Variants in C3orf22 observed in about 807,000 individuals in gnomAD.
C3orf22 encodes the protein chromosome 3 open reading frame 22, also known as uncharacterized protein C3orf22.
A neutral mutation model predicts 10.8 loss-of-function variants in C3orf22; 7 were observed. That is an observed-to-expected ratio of 0.65 (90% CI 0.37 to 1.22). The LOEUF is 1.22. Among genes scored for constraint, C3orf22 ranks in the 50% most tolerant of loss-of-function variants. The pLI is 0.02. For synonymous variants in C3orf22, 79 were observed against 78.9 expected (o/e 1.00, Z 0.00); for missense variants, 173 against 177.0 (o/e 0.98, Z 0.13).
chr3:126,545,356 C>A (rs1384106424), downstream of C3orf22, among the ~76,000 whole-genome samples: 2 of 152,230 alleles, frequency 1.3e-5, no homozygotes, highest in East Asian at 3.8e-4. Context: ...GGGTTACAGA[C>A]TTCTTTAAAA....
chr3:126,536,921 A>C (rs897801789), intron 4 of C3orf22, among the ~76,000 whole-genome samples: 6 of 146,802 alleles, frequency 4.1e-5, no homozygotes, highest in African/African-American at 1.1e-4. Context: ...ACACACACAC[A>C]CACCCCACAC....
chr3:126,534,572 G>A (rs1276235820), intron 4 of C3orf22, among the ~76,000 whole-genome samples: 2 of 146,068 alleles, frequency 1.4e-5, no homozygotes, highest in African/African-American at 5.1e-5. Context: ...AGCCAGGAGA[G>A]AGACACACAC....
At chr3:126,535,341 G>A (rs1357169739) in intron 4 of C3orf22, among the ~76,000 whole-genome samples, 3 of 147,728 alleles carry the variant, frequency 2.0e-5, no homozygotes, top group African/African-American at 2.5e-5. Flanking sequence ...CAGCATCCCT[G>A]TCCTCAGCCG....
At chr3:126,532,387 G>T (rs553843312) in intron 4 of C3orf22, among the ~76,000 whole-genome samples, 3 of 152,172 alleles carry the variant, frequency 2.0e-5, no homozygotes, top group Non-Finnish European at 2.9e-5. Context: ...TCACTTAAGA[G>T]TTTCATAGTT....
downstream of C3orf22, chr3:126,549,677 C>A (rs1937135214): frequency 6.6e-7 from 1 of 1,525,668 alleles, no homozygotes; most frequent in South Asian, 1.2e-5. Flanking sequence ...GCAAAGTGAT[C>A]ATTCCAGCTG....
intron 4 of C3orf22, chr3:126,542,663 C>A: frequency 1.4e-6 from 2 of 1,384,356 alleles, no homozygotes; most frequent in Non-Finnish European, 1.9e-6. Flanking sequence ...GGCCCCAGGA[C>A]CCCTCTTCAA....
downstream of C3orf22, among the ~76,000 whole-genome samples, chr3:126,549,262 C>G (rs3732535): frequency 2.7e-5 from 4 of 148,324 alleles, no homozygotes; most frequent in Non-Finnish European, 4.4e-5. Context: ...CCCCCCCCCC[C>G]ACACACACAC....
At chr3:126,539,484 CACAT>C (rs903230168) in intron 4 of C3orf22, among the ~76,000 whole-genome samples, 6 of 146,890 alleles carry the variant, frequency 4.1e-5, no homozygotes, top group South Asian at 2.2e-4. Context: ...CACACACACA[CACAT>C]ATGTACCCCA....
chr3:126,549,606 C>A (rs1937134056), downstream of C3orf22: 7 of 1,383,990 alleles, frequency 5.1e-6, no homozygotes, highest in Non-Finnish European at 5.8e-6. Context: ...CTCACACCAA[C>A]CCTGCAAGAT....
downstream of C3orf22, among the ~76,000 whole-genome samples, chr3:126,549,073 A>G (rs1937118902): frequency 6.6e-6 from 1 of 152,184 alleles, no homozygotes; most frequent in African/African-American, 2.4e-5. Context: ...TTACAAAGGC[A>G]TCACCAGCCT....
At chr3:126,556,431 C>A (rs1937331061) in intron 1 of C3orf22, among the ~76,000 whole-genome samples, 1 of 152,014 alleles carries the variant, frequency 6.6e-6, no homozygotes, top group South Asian at 2.1e-4. Flanking sequence ...CTCCCTTCCC[C>A]TTCCCTCCCC....
chr3:126,536,307 G>A, intron 4 of C3orf22: 2 of 1,614,086 alleles, frequency 1.2e-6, no homozygotes, highest in South Asian at 1.1e-5. Flanking sequence ...AGCTGGCTTG[G>A]TGGGGAGAAG....
intron 4 of C3orf22, among the ~76,000 whole-genome samples, chr3:126,537,362 G>A (rs1936818769): frequency 6.6e-6 from 1 of 152,240 alleles, no homozygotes; most frequent in Non-Finnish European, 1.5e-5. Flanking sequence ...CTGCAGGTGT[G>A]CAAGGGTAGC....
At chr3:126,536,947 C>A (rs1019079211) in intron 4 of C3orf22, among the ~76,000 whole-genome samples, 1 of 151,284 alleles carries the variant, frequency 6.6e-6, no homozygotes, top group Non-Finnish European at 1.5e-5. Flanking sequence ...AGTACTTATT[C>A]GGACAGCACA....
rs953128962 is a variant in C3orf22 at position 126,536,524 on chromosome 3, G to T, written c.287-7152C>A. ...AGCAGTGACAAGGGCAAATCTTGGG[G>T]GTAAGATGAGAGACCTGGAGTCTCT... On this transcript the variant is annotated intron_variant and NMD_transcript_variant, in intron 4 of 5. Coordinates refer to the C3orf22 transcript ENST00000505070. Among the ~76,000 whole-genome samples the T allele has an allele frequency of 3.9e-5, 6 of 152,064 alleles. No individual in the cohort carries two copies. The East Asian group carries it at 1.2e-3, about 29-fold the overall frequency.
At chr3:126,542,623 AC>A (rs751908356) in intron 4 of C3orf22, 81 of 1,427,546 alleles carry the variant, frequency 5.7e-5, no homozygotes, top group Non-Finnish European at 7.3e-6. Context: ...TGCCTTTCCG[AC>A]AAGACCCCCG....
intron 4 of C3orf22, among the ~76,000 whole-genome samples, chr3:126,537,141 C>G (rs1365565932): frequency 6.6e-6 from 1 of 152,188 alleles, no homozygotes; most frequent in African/African-American, 2.4e-5. Flanking sequence ...AACAAGAGCT[C>G]TCCTGAGAGG....
chr3:126,553,206 C>T (rs1937240809), intron 2 of C3orf22, 96 bp downstream of exon 2: 5 of 906,442 alleles, frequency 5.5e-6, no homozygotes, highest in Non-Finnish European at 9.2e-6. Flanking sequence ...AAACCCCCTC[C>T]CAGCTGCAGC....
At chr3:126,557,049 TACAC>T (rs1247052105) in intron 1 of C3orf22, among the ~76,000 whole-genome samples, 1 of 148,446 alleles carries the variant, frequency 6.7e-6, no homozygotes, top group Non-Finnish European at 1.5e-5. Flanking sequence ...CAGATTCACA[TACAC>T]AGACTCACAC....
Sources: gnomAD v4.1 joint callset for allele counts (sites outside exome capture counted in the v4.1 genomes callset) on GRCh38, gnomAD v4.1.1 for gene constraint, MANE v1.5 for transcripts, NCBI Gene and HGNC (gene_info 2026-07-23, HGNC 2026-07-21) for gene names.